CACNA1C: variants seen among roughly 807,000 people sequenced by gnomAD.
CACNA1C encodes the protein voltage-dependent L-type calcium channel subunit alpha-1C.
Under a neutral mutation model 229.0 loss-of-function variants are expected in CACNA1C, and 30 were observed. The ratio of observed to expected loss-of-function variants is 0.13; its 90% confidence interval spans 0.10 to 0.18. CACNA1C has a LOEUF of 0.18. Among genes scored for constraint, CACNA1C ranks in the 10% least tolerant of loss-of-function variants. CACNA1C has a pLI of 1.00. For missense variants in CACNA1C, 1,658 were observed against 2,845.0 expected (o/e 0.58, Z 9.49); for synonymous variants, 1,114 against 1,132.5 (o/e 0.98, Z 0.33).
Position 2,361,540 on chromosome 12 carries a change from G to A in CACNA1C, c.478-87436G>A, listed in dbSNP as rs185565856. ...TGCCTCCCTCCCTCCTTCCCAGGGT[G>A]CAGTTGTAATGGCTGGAGTTCTAGC... On this transcript the variant is annotated intron_variant, in intron 3 of 46. Coordinates refer to ENST00000399655, the MANE Select transcript of CACNA1C (RefSeq NM_000719.7). 1.7e-3 allele frequency among the ~76,000 whole-genome samples: 259 copies of A among 152,094 alleles called. 1 individual carries two copies. The highest frequency in any genetic ancestry group is 1.1e-3 in the Non-Finnish European group (77 of 68,006).
intron 3 of CACNA1C, among the ~76,000 whole-genome samples, chr12:2,357,570 A>G (rs2097411214): frequency 6.6e-6 from 1 of 152,062 alleles, no homozygotes; most frequent in Admixed American, 6.5e-5. Flanking sequence ...GCTAACCAAC[A>G]AAATTAGCTA....
In CACNA1C at chr12:2,354,506, G is replaced by A. The variant is rs1021986934; in HGVS notation, c.478-94470G>A. Among the ~76,000 whole-genome samples the A allele has an allele frequency of 2.6e-5, 4 of 152,154 alleles. No individual in the cohort carries two copies. Among genetic ancestry groups the A allele is most frequent in the African/African-American group, 4.8e-5 (2 of 41,428 alleles). On this transcript the variant is annotated intron_variant, in intron 3 of 46. Coordinates refer to ENST00000399655, the MANE Select transcript of CACNA1C (RefSeq NM_000719.7). This position sits in a 1 kb window ranked among gnomAD's most constrained non-coding sequence, Gnocchi z 4.6. ...GAGAAGGGGACGGAGAACCTCACCA[G>A]CAGCTGAATTGAATTCCATCTTTGA...
At chr12:2,516,237 G>A (rs567429342) in intron 9 of CACNA1C, among the ~76,000 whole-genome samples, 2 of 152,264 alleles carry the variant, frequency 1.3e-5, no homozygotes, top group South Asian at 2.1e-4. Context: ...AAGGGGCCAC[G>A]CTGATGAATC....
intron 3 of CACNA1C, among the ~76,000 whole-genome samples, chr12:2,308,499 C>G (rs2095228243): frequency 6.6e-6 from 1 of 152,114 alleles, no homozygotes. Flanking sequence ...ACCATATATG[C>G]ATGGGTTTAT....
At chr12:2,269,084 G>C (rs748398147) in intron 3 of CACNA1C, among the ~76,000 whole-genome samples, 4 of 152,162 alleles carry the variant, frequency 2.6e-5, no homozygotes, top group African/African-American at 7.2e-5. Flanking sequence ...GGAGTAGCGG[G>C]CACATGATTA....
At chr12:2,430,509 C>G (rs189327998) in intron 3 of CACNA1C, among the ~76,000 whole-genome samples, 67 of 152,250 alleles carry the variant, frequency 4.4e-4, no homozygotes, top group African/African-American at 1.5e-3. Flanking sequence ...TAGACCCATC[C>G]ACCCTCACAC....
At position 2,448,871 on chromosome 12, in the gene CACNA1C, G is replaced by C; in HGVS notation, c.478-105G>C. 3 of 932,044 alleles carry C rather than the reference G, an allele frequency of 3.2e-6. No homozygotes were observed. In the South Asian group the frequency reaches 5.5e-5, roughly 17 times the overall value. The allele number at this position is 932,044 out of a possible 1,614,324, so 57.7% of individuals were successfully genotyped here. Reference sequence around the variant, plus strand: ...TCCCCACTTGGTTCCACCACAGAGGGGGCAGCATTATCTTCCACCTACTTG... The same window carrying C: ...TCCCCACTTGGTTCCACCACAGAGGCGGCAGCATTATCTTCCACCTACTTG... On this transcript the variant is annotated intron_variant, in intron 3 of 46. Transcript: ENST00000399655.
Position 2,136,937 on chromosome 12 carries a change from G to A in CACNA1C, c.477+16507G>A, listed in dbSNP as rs117858333. Among the ~76,000 whole-genome samples, 285 of 151,450 alleles carry A rather than the reference G, an allele frequency of 1.9e-3. 9 individuals carry two copies. Among genetic ancestry groups the A allele is most frequent in the Admixed American group, 4.0e-3 (61 of 15,088 alleles). On this transcript the variant is annotated intron_variant, in intron 3 of 46. Transcript: ENST00000399655. ...TAAAACTTGAGGGACCCTTCTCGTG[G>A]ACTGAGTCCTTGGAAGCAGATCTTG...
intron 1 of CACNA1C, among the ~76,000 whole-genome samples, chr12:2,078,905 A>G (rs181872575): frequency 6.0e-4 from 91 of 152,260 alleles, no homozygotes; most frequent in African/African-American, 1.7e-3. Flanking sequence ...ATAGACTGGA[A>G]TAAGAAAATG....
intron 14 of CACNA1C, among the ~76,000 whole-genome samples, chr12:2,582,114 G>A (rs2060709343): frequency 6.6e-6 from 1 of 151,586 alleles, no homozygotes; most frequent in Non-Finnish European, 1.5e-5. Context: ...CTCTAGCCTA[G>A]GTGACGGAGC....
At chr12:2,000,758 C>G (rs943599535) in intron 1 of CACNA1C, among the ~76,000 whole-genome samples, 1 of 152,258 alleles carries the variant, frequency 6.6e-6, no homozygotes, top group African/African-American at 2.4e-5. Context: ...ATAACCAGGC[C>G]GGGCACAGGG....
intron 3 of CACNA1C, among the ~76,000 whole-genome samples, chr12:2,425,609 C>T (rs1198490979): frequency 2.0e-5 from 3 of 152,180 alleles, no homozygotes; most frequent in Admixed American, 2.0e-4. Context: ...GAACCCTGGT[C>T]CTTACCTTTA....
chr12:2,300,428 C>T (rs879550156), intron 3 of CACNA1C, among the ~76,000 whole-genome samples: 1 of 152,020 alleles, frequency 6.6e-6, no homozygotes, highest in Non-Finnish European at 1.5e-5. Flanking sequence ...TGAGACCAGC[C>T]TGGGCAACAT....
At chr12:2,553,975 C>T (rs768823848) in intron 10 of CACNA1C, among the ~76,000 whole-genome samples, 9 of 152,102 alleles carry the variant, frequency 5.9e-5, no homozygotes, top group Admixed American at 2.0e-4. Flanking sequence ...CTGAGTCAGA[C>T]GCATTGTCAA....
At chr12:2,466,865 G>A (rs61909377) in intron 5 of CACNA1C, among the ~76,000 whole-genome samples, 5,375 of 152,174 alleles carry the variant, frequency 0.035, 143 homozygotes, top group Non-Finnish European at 0.055. Flanking sequence ...CTCACTGCTT[G>A]CAGACCTTCA....
chr12:2,381,837 G>C (rs1018652872), intron 3 of CACNA1C, among the ~76,000 whole-genome samples: 2 of 152,188 alleles, frequency 1.3e-5, no homozygotes. Context: ...CTTTGACTAT[G>C]GGGATGCTTA....
chr12:2,053,699 C>T lies in CACNA1C; in HGVS notation c.49+88C>T. Reference sequence around the variant, plus strand: ...CCCGCGCTCCCCGCGGCCCCGGGGCCGGTCCCTGCGGAGTGGCCCGGGGCC... The same window carrying T: ...CCCGCGCTCCCCGCGGCCCCGGGGCTGGTCCCTGCGGAGTGGCCCGGGGCC... On this transcript the variant is annotated intron_variant, in intron 1 of 46. Transcript: ENST00000399655. The surrounding 1 kb of genome is among the most constrained non-coding windows in gnomAD (Gnocchi z 5.8). The T allele has an allele frequency of 8.6e-7, 1 of 1,168,034 alleles. No homozygotes were observed. The highest frequency in any genetic ancestry group is 1.1e-6 in the Non-Finnish European group (1 of 913,944). The allele number at this position is 1,168,034 out of a possible 1,614,324, so 72.4% of individuals were successfully genotyped here.
intron 9 of CACNA1C, 40 bp from the exon 10 acceptor site, chr12:2,549,903 A>G (rs2154592093): frequency 7.0e-7 from 1 of 1,426,442 alleles, no homozygotes; most frequent in South Asian, 1.2e-5. Context: ...TTGTCTCCCC[A>G]CCCTCAATGC....
chr12:2,097,386 T>TA (rs1425096171), intron 1 of CACNA1C, among the ~76,000 whole-genome samples: 4 of 152,006 alleles, frequency 2.6e-5, no homozygotes, highest in Non-Finnish European at 1.5e-5. Flanking sequence ...GACCTTGTGA[T>TA]CCGCCCGCCT....
Sources: gnomAD v4.1 joint callset for allele counts (sites outside exome capture counted in the v4.1 genomes callset) on GRCh38, gnomAD v4.1.1 for gene constraint, Gnocchi (gnomAD v3.1) non-coding constraint, MANE v1.5 for transcripts, NCBI Gene and HGNC (gene_info 2026-07-23, HGNC 2026-07-21) for gene names.